The following STEEP1 variants were observed in gnomAD, a reference collection of about 807,000 sequenced individuals.
The protein encoded by STEEP1 is STING ER exit protein.
A neutral mutation model predicts 19.2 loss-of-function variants in STEEP1; 3 were observed. The ratio of observed to expected loss-of-function variants is 0.16; its 90% CI spans 0.07 to 0.40. The LOEUF is 0.40. Ranked by LOEUF, STEEP1 falls within the 10% of genes least tolerant of loss-of-function variation. The pLI is 0.99. For synonymous variants in STEEP1, 46 were observed against 63.7 expected, an observed-to-expected ratio of 0.72 and a Z score of 1.32; for missense variants, 54 against 177.1, an observed-to-expected ratio of 0.30 and a Z score of 3.94.
intron 1 of STEEP1, among the ~76,000 whole-genome samples, chrX:119,562,944 T>C (rs929455048): frequency 1.8e-5 from 2 of 110,420 alleles, no homozygotes; most frequent in Non-Finnish European, 3.8e-5. Flanking sequence ...GCAGAAGAAA[T>C]ACCAATTAAA....
chrX:119,549,901 T>C (rs1035065228), intron 2 of STEEP1, among the ~76,000 whole-genome samples: 1 of 111,640 alleles, frequency 9.0e-6, no homozygotes, highest in African/African-American at 3.3e-5. Context: ...TAAACTAACA[T>C]CATACTTAAT....
intron 2 of STEEP1, among the ~76,000 whole-genome samples, chrX:119,557,508 AAG>A (rs1300882201): frequency 1.8e-5 from 2 of 109,416 alleles, no homozygotes; most frequent in East Asian, 2.8e-4. Context: ...AAAAAGAAAA[AAG>A]AAAAAAAAAT....
At chrX:119,557,947 G>A (rs757622034) in intron 2 of STEEP1, among the ~76,000 whole-genome samples, 142 of 109,644 alleles carry the variant, frequency 1.3e-3, no homozygotes, top group African/African-American at 4.4e-3. Flanking sequence ...TCACTCTGTC[G>A]CCCAGGCTGG....
chrX:119,561,009 CA>C (rs60535599), intron 1 of STEEP1, among the ~76,000 whole-genome samples: 48 of 81,213 alleles, frequency 5.9e-4, no homozygotes, highest in South Asian at 1.9e-3. Flanking sequence ...CTCTGTTTTA[CA>C]AAAAAAAAAA....
chrX:119,565,038 G>C (rs2053347352), intron 1 of STEEP1, 194 bp downstream of exon 1: 1 of 522,539 alleles, frequency 1.9e-6, no homozygotes. Flanking sequence ...AGAGTCACAA[G>C]GCTAAACAAA....
At chrX:119,547,685 T>C (rs763905023) in intron 2 of STEEP1, among the ~76,000 whole-genome samples, 112 of 111,991 alleles carry the variant, frequency 1.0e-3, no homozygotes, top group African/African-American at 3.5e-3. Flanking sequence ...TTTTCCACCA[T>C]GTGGAAATTT....
intron 2 of STEEP1, among the ~76,000 whole-genome samples, chrX:119,553,457 A>G (rs1251831691): frequency 9.0e-6 from 1 of 111,650 alleles, no homozygotes; most frequent in Non-Finnish European, 1.9e-5. Flanking sequence ...TATTTTCCCA[A>G]TTGAAGGATA....
Position 119,542,041 on chromosome X carries a change from GTTTCTTTTCT to G in STEEP1, c.513+454_513+463del, listed in dbSNP as rs1301820097. 7.3e-5 allele frequency among the ~76,000 whole-genome samples: 6 copies of G among 82,500 alleles called. 1 individual carries two copies. The highest frequency in any genetic ancestry group is 3.0e-4 in the African/African-American group (6 of 19,996). 71.6% of individuals were successfully genotyped at this position (82,500 alleles called of 115,157 possible). A position where few individuals can be genotyped will look rare whatever the true frequency, so the allele number is the denominator to read the frequency against. ...AAACAGGAACTGGCTCACTGTCAGA[GTTTCTTTTCT>G]TTTCTTTTTTTTTTTTTTTTTTTTT... On this transcript the variant is annotated intron_variant, in intron 5 of 6. Coordinates refer to ENST00000644802, the MANE Select transcript of STEEP1 (RefSeq NM_022101.4).
At chrX:119,544,580 T>C (rs1169351637) in intron 3 of STEEP1, 89 bp from the exon 4 acceptor site, 1 of 911,655 alleles carries the variant, frequency 1.1e-6, no homozygotes, top group Non-Finnish European at 1.5e-6. Context: ...TCTGGGAATA[T>C]TTCTGTTTGT....
rs748325295 is a variant in STEEP1 at position 119,539,683 on chromosome X, A to G, written c.*44T>C. The G allele has an allele frequency of 9.6e-7, 1 of 1,043,189 alleles. No individual in the cohort carries two copies. The highest frequency in any genetic ancestry group is 3.0e-5 in the East Asian group (1 of 33,149). 86.0% of individuals were successfully genotyped at this position (1,043,189 alleles called of 1,213,427 possible). A position where few individuals can be genotyped will look rare whatever the true frequency, so the allele number is the denominator to read the frequency against. ...AATCAAGAAATTACTTTGCCTCCTG[A>G]TCTAAATGCTTGCCTCTAGTCTAGG... On this transcript the variant is annotated 3_prime_UTR_variant, in exon 7 of 7. Transcript: ENST00000644802.
At position 119,565,329 on chromosome X, in the gene STEEP1, T is replaced by C. The variant is rs1338324454; in HGVS notation, c.27A>G (p.Val9=). Residue 9 remains valine, a synonymous_variant, in exon 1 of 7, where the codon GTA becomes GTG. Coordinates refer to ENST00000644802, the MANE Select transcript of STEEP1 (RefSeq NM_022101.4). ...CCCGGTCCCGAGTGTCAGAGCAGAC[T>C]ACTGACCGAGACACTACTTTCGGCA... MPKVVSRS[V]VCSDTRDREE... 8.3e-7 allele frequency: 1 copy of C among 1,204,715 alleles called. No homozygotes were observed. The highest frequency in any genetic ancestry group is 1.8e-5 in the African/African-American group (1 of 56,896).
chrX:119,565,025 TAC>T (rs1180626751), intron 1 of STEEP1: 8 of 442,859 alleles, frequency 1.8e-5, no homozygotes, highest in Middle Eastern at 6.8e-4. Flanking sequence ...AAGGTCTGGA[TAC>T]AGAGTCACAA....
intron 4 of STEEP1, among the ~76,000 whole-genome samples, chrX:119,543,321 G>A (rs974918277): frequency 5.5e-5 from 6 of 109,968 alleles, no homozygotes; most frequent in African/African-American, 2.0e-4. Flanking sequence ...CTGAGTAGCT[G>A]GGATTACAGG....
chrX:119,555,104 G>C (rs1330554170), intron 2 of STEEP1, among the ~76,000 whole-genome samples: 1 of 92,669 alleles, frequency 1.1e-5, no homozygotes, highest in African/African-American at 5.4e-5. Context: ...GTGAGACCCT[G>C]CCTCAAAAAA....
At chrX:119,564,333 T>C (rs1315931840) in intron 1 of STEEP1, among the ~76,000 whole-genome samples, 1 of 110,139 alleles carries the variant, frequency 9.1e-6, no homozygotes, top group African/African-American at 3.3e-5. Flanking sequence ...CCGTCTCTAC[T>C]AAAAACACAA....
At chrX:119,552,841 G>T (rs955283892) in intron 2 of STEEP1, among the ~76,000 whole-genome samples, 1 of 111,900 alleles carries the variant, frequency 8.9e-6, no homozygotes, top group Non-Finnish European at 1.9e-5. Flanking sequence ...GACTTTTATG[G>T]TATGTAGACT....
intron 1 of STEEP1, among the ~76,000 whole-genome samples, chrX:119,562,946 C>T (rs1350182764): frequency 9.0e-6 from 1 of 110,504 alleles, no homozygotes; most frequent in Non-Finnish European, 1.9e-5. Flanking sequence ...AGAAGAAATA[C>T]CAATTAAAAA....
chrX:119,558,592 T>C (rs1024149728), intron 2 of STEEP1, among the ~76,000 whole-genome samples: 2 of 111,842 alleles, frequency 1.8e-5, no homozygotes, highest in Admixed American at 1.9e-4. Context: ...GGATAGTACC[T>C]GGAACATAGT....
intron 1 of STEEP1, among the ~76,000 whole-genome samples, chrX:119,560,856 T>G (rs1488862314): frequency 9.0e-6 from 1 of 110,833 alleles, no homozygotes; most frequent in East Asian, 2.8e-4. Context: ...CTGGGCGTGG[T>G]GGCATGCACC....
Sources: gnomAD v4.1 joint callset for allele counts (sites outside exome capture counted in the v4.1 genomes callset) on GRCh38, gnomAD v4.1.1 for gene constraint, MANE v1.5 for transcripts, NCBI Gene and HGNC (gene_info 2026-07-23, HGNC 2026-07-21) for gene names.